Variants in CPB2 observed in about 807,000 individuals in gnomAD.
The protein encoded by CPB2 is carboxypeptidase B2, also known as carboxypeptidase B-like protein.
In CPB2, 54 loss-of-function variants were observed where a neutral mutation model predicts 57.0. The observed-to-expected ratio is 0.95, with a 90% CI of 0.76 to 1.19. The LOEUF (loss-of-function observed/expected upper bound fraction) is 1.19, where lower values mean the gene tolerates loss of function less well. Among genes scored for constraint, CPB2 ranks in the 50% most tolerant of loss-of-function variants. The probability of loss-of-function intolerance (pLI) is 0.00; values close to 1 mark genes in which losing one functional copy is unlikely to be tolerated. For missense variants in CPB2, 426 were observed against 512.0 expected (o/e 0.83, Z 1.62); for synonymous variants, 189 against 178.1 (o/e 1.06, Z -0.49).
At chr13:46,064,862 C>A in intron 7 of CPB2, 121 bp from the exon 8 acceptor site, 1 of 706,908 alleles carries the variant, frequency 1.4e-6, no homozygotes, top group South Asian at 1.6e-5. Flanking sequence ...CCATACCTTG[C>A]ATGGCTTCAT....
chr13:46,082,397 G>A (rs775311912), intron 4 of CPB2, 44 bp downstream of exon 4: 3 of 1,157,078 alleles, frequency 2.6e-6, no homozygotes, highest in Non-Finnish European at 2.5e-6. Flanking sequence ...GGCAATACTG[G>A]TTAAATGAAA....
chr13:46,087,586 GAACC>G (rs997365035), intron 2 of CPB2, among the ~76,000 whole-genome samples, 155 bp downstream of exon 2: 5 of 152,182 alleles, frequency 3.3e-5, no homozygotes, highest in African/African-American at 1.2e-4. Flanking sequence ...TTGATTTGGG[GAACC>G]AACAAAATCA....
At chr13:46,076,008 G>A (rs1051081632) in intron 5 of CPB2, among the ~76,000 whole-genome samples, 1 of 152,124 alleles carries the variant, frequency 6.6e-6, no homozygotes, top group Non-Finnish European at 1.5e-5. Flanking sequence ...ATAACCAAAT[G>A]GGTGGAAATT....
rs147608403 is a variant in CPB2, at chr13:46,067,325, A to T, written c.684T>A (p.Tyr228Ter). Residue 228 changes from tyrosine (Y) to a stop codon, truncating the protein, a stop_gained, in exon 7 of 11, where the codon TAT (tyrosine) becomes TAA (stop). Transcript: ENST00000181383. LOFTEE classifies it high-confidence loss of function. ...CTCCTACCTTTTTCCATGAGTAGTC[A>T]TAACCATCCACATTAACCACTGGCA... ...YVMPVVNVDG[Y>*]DYSWKKNRMW... The T allele has an allele frequency of 5.5e-5, 85 of 1,553,244 alleles. No homozygotes were observed. The African/African-American group carries it at 1.1e-3, about 20-fold the overall frequency.
intron 7 of CPB2, among the ~76,000 whole-genome samples, chr13:46,065,402 G>A (rs1453595699): frequency 3.3e-5 from 5 of 152,010 alleles, no homozygotes; most frequent in African/African-American, 4.8e-5. Flanking sequence ...CGAGGCGGGC[G>A]GATCACGAGG....
intron 7 of CPB2, among the ~76,000 whole-genome samples, 189 bp downstream of exon 7, chr13:46,067,118 T>C (rs1255276400): frequency 6.6e-6 from 1 of 152,104 alleles, no homozygotes; most frequent in Non-Finnish European, 1.5e-5. Context: ...AGCTCTATGA[T>C]GGGTAGATAG....
Position 46,053,806 on chromosome 13 carries a change from A to T in CPB2, c.1088-8T>A. Reference sequence around the variant, plus strand: ...CACCTCCAGGAGCTAGGTCTAAAAGAAGAAGAAAGAAATTGTTGAAATACA... The same window carrying T: ...CACCTCCAGGAGCTAGGTCTAAAAGTAGAAGAAAGAAATTGTTGAAATACA... On this transcript the variant is annotated splice_region_variant and splice_polypyrimidine_tract_variant and intron_variant, in intron 10 of 10. Transcript: ENST00000181383. The T allele has an allele frequency of 6.2e-7, 1 of 1,607,790 alleles. No homozygotes were observed. Among genetic ancestry groups the T allele is most frequent in the Non-Finnish European group, 8.5e-7 (1 of 1,176,222 alleles).
In CPB2 at chr13:46,053,292, C is replaced by T. The variant is rs1396166219; in HGVS notation, c.*322G>A. ...TTGTTGAGTAGGATCCAATGATCAGCGTGAGATGATCATTGATTAAACTTG... is the reference window on the plus strand; with the variant it reads ...TTGTTGAGTAGGATCCAATGATCAGTGTGAGATGATCATTGATTAAACTTG... On this transcript the variant is annotated 3_prime_UTR_variant, in exon 11 of 11. Transcript: ENST00000181383. 4.6e-6 allele frequency: 1 copy of T among 218,070 alleles called. No individual in the cohort carries two copies. Among genetic ancestry groups the T allele is most frequent in the East Asian group, 1.0e-4 (1 of 9,894 alleles). 13.5% of individuals were successfully genotyped at this position (218,070 alleles called of 1,614,324 possible). A position where few individuals can be genotyped will look rare whatever the true frequency, so the allele number is the denominator to read the frequency against.
At chr13:46,089,407 A>G (rs1242121595) in intron 1 of CPB2, among the ~76,000 whole-genome samples, 1 of 152,140 alleles carries the variant, frequency 6.6e-6, no homozygotes, top group African/African-American at 2.4e-5. Flanking sequence ...TAGGTGCCTA[A>G]GAGTAGGTGT....
chr13:46,059,263 C>A (rs1234848079), intron 8 of CPB2, among the ~76,000 whole-genome samples: 1 of 152,082 alleles, frequency 6.6e-6, no homozygotes, highest in Non-Finnish European at 1.5e-5. Flanking sequence ...CTTACACCAG[C>A]CCTATGAAGT....
At chr13:46,078,211 T>C (rs1370533610) in intron 5 of CPB2, among the ~76,000 whole-genome samples, 1 of 152,178 alleles carries the variant, frequency 6.6e-6, no homozygotes, top group Non-Finnish European at 1.5e-5. Context: ...TGTACAATTA[T>C]TATGTATCAA....
rs577675261 is a variant in CPB2 at position 46,094,473 on chromosome 13, T to G, written c.75-6653A>C. ...TTGTGACTACCCTAGGTTATTGGCT[T>G]GAAGGCCAGGAGGGGAGGTGGGAAT... On this transcript the variant is annotated intron_variant, in intron 1 of 10. Coordinates refer to ENST00000181383, the MANE Select transcript of CPB2 (RefSeq NM_001872.5). 5.3e-5 allele frequency among the ~76,000 whole-genome samples: 8 copies of G among 152,246 alleles called. No individual in the cohort carries two copies. In the South Asian group the frequency reaches 1.7e-3, roughly 32 times the overall value.
At chr13:46,072,173 G>A (rs998992721) in intron 6 of CPB2, among the ~76,000 whole-genome samples, 4 of 152,178 alleles carry the variant, frequency 2.6e-5, no homozygotes, top group African/African-American at 9.7e-5. Context: ...TTCTCAAAGT[G>A]TAGTGTAGTG....
At chr13:46,092,670 T>G (rs556613337) in intron 1 of CPB2, among the ~76,000 whole-genome samples, 2 of 152,284 alleles carry the variant, frequency 1.3e-5, no homozygotes, top group South Asian at 4.1e-4. Context: ...ATAAAGGGCA[T>G]TTTTGGAAAA....
At chr13:46,057,855 A>G (rs1371010992) in intron 9 of CPB2, among the ~76,000 whole-genome samples, 3 of 152,194 alleles carry the variant, frequency 2.0e-5, no homozygotes, top group Admixed American at 1.3e-4. Context: ...GCATGATTCC[A>G]TACTCATCCT....
intron 5 of CPB2, among the ~76,000 whole-genome samples, chr13:46,074,248 G>A (rs148487705): frequency 3.4e-4 from 51 of 152,238 alleles, no homozygotes; most frequent in African/African-American, 1.1e-3. Flanking sequence ...CAATTATGCA[G>A]TCATGTCAGA....
intron 6 of CPB2, chr13:46,073,598 CAATG>C: frequency 3.7e-6 from 1 of 272,162 alleles, no homozygotes; most frequent in South Asian, 1.3e-4. Flanking sequence ...ATATTATAAT[CAATG>C]TACTATTTCT....
Position 46,078,881 on chromosome 13 carries a change from A to C in CPB2, c.405T>G (p.Phe135Leu). 6.2e-7 allele frequency: 1 copy of C among 1,609,976 alleles called. No homozygotes were observed. Among genetic ancestry groups the C allele is most frequent in the Non-Finnish European group, 8.5e-7 (1 of 1,176,682 alleles). Residue 135 changes from phenylalanine to leucine, a missense_variant, in exon 5 of 11, where the codon TTT becomes TTG. By Grantham distance (22) the Phe-to-Leu change is conservative. Coordinates refer to ENST00000181383, the MANE Select transcript of CPB2 (RefSeq NM_001872.5). ...SLNEIYSWIE[F>L]ITERHPDMLT... ...GCATATCAGGATGCCTCTCAGTTATAAATTCTATCCAAGAATAGATCTAGC... is the reference window on the plus strand; with the variant it reads ...GCATATCAGGATGCCTCTCAGTTATCAATTCTATCCAAGAATAGATCTAGC...
chr13:46,077,688 C>G (rs562837856), intron 5 of CPB2, among the ~76,000 whole-genome samples: 1 of 56,134 alleles, frequency 1.8e-5, no homozygotes, highest in South Asian at 4.3e-4. Context: ...TGTTCTTCAA[C>G]AGATGAATGA....
Sources: gnomAD v4.1 joint callset for allele counts (sites outside exome capture counted in the v4.1 genomes callset) on GRCh38, gnomAD v4.1.1 for gene constraint, MANE v1.5 for transcripts, NCBI Gene and HGNC (gene_info 2026-07-23, HGNC 2026-07-21) for gene names.